The following FRRS1L variants were observed in gnomAD, a reference collection of about 807,000 sequenced individuals.
FRRS1L encodes ferric chelate reductase 1 like.
In FRRS1L, 22 loss-of-function variants were observed where a neutral mutation model predicts 28.6. The observed-to-expected ratio is 0.77, with a 90% CI of 0.55 to 1.10. The LOEUF is 1.10. FRRS1L is among the 50% of genes least tolerant of loss of function. FRRS1L has a pLI of 0.00. For synonymous variants in FRRS1L, 158 were observed against 151.4 expected (o/e 1.04, Z -0.32); for missense variants, 380 against 386.9 (o/e 0.98, Z 0.15).
intron 1 of FRRS1L, 29 bp downstream of exon 1, chr9:109,166,872 C>G: frequency 1.7e-6 from 2 of 1,182,266 alleles, no homozygotes; most frequent in Non-Finnish European, 2.1e-6. Flanking sequence ...TCTCCCCTCC[C>G]GCAACCCCTC....
Position 109,141,468 on chromosome 9 carries a change from CCTT to C in FRRS1L, c.581_583del (p.Glu194del), listed in dbSNP as rs763795641. On this transcript the variant is annotated inframe_deletion, in exon 4 of 5. Coordinates refer to ENST00000561981, the MANE Select transcript of FRRS1L (RefSeq NM_014334.4). Reference sequence around the variant, plus strand: ...GGTGACGCGATTGTTCTCAAAAACTCCTTCTTCATCTCTGGCAGGGTTTCTCTG... The same window carrying C: ...GGTGACGCGATTGTTCTCAAAAACTCCTTCATCTCTGGCAGGGTTTCTCTG... The C allele has an allele frequency of 8.1e-6, 13 of 1,613,958 alleles. No homozygotes were observed. The highest frequency in any genetic ancestry group is 1.1e-5 in the South Asian group (1 of 91,088).
Position 109,137,638 on chromosome 9 carries a change from A to T in FRRS1L, c.710-11T>A. On this transcript the variant is annotated splice_polypyrimidine_tract_variant and intron_variant, in intron 4 of 4. Coordinates refer to ENST00000561981, the MANE Select transcript of FRRS1L (RefSeq NM_014334.4). ...GTCGAGTGATAGAGCCTTTAAGAAAAAAAGAGAAGAGCAGGGGCAATTGAA... is the reference window on the plus strand; with the variant it reads ...GTCGAGTGATAGAGCCTTTAAGAAATAAAGAGAAGAGCAGGGGCAATTGAA... The T allele has an allele frequency of 6.5e-7, 1 of 1,528,230 alleles. No homozygotes were observed. Among genetic ancestry groups the T allele is most frequent in the Non-Finnish European group, 8.8e-7 (1 of 1,131,138 alleles). The allele number at this position is 1,528,230 out of a possible 1,614,324, so 94.7% of individuals were successfully genotyped here.
chr9:109,164,554 A>G (rs924886597), intron 1 of FRRS1L, among the ~76,000 whole-genome samples: 2 of 151,950 alleles, frequency 1.3e-5, no homozygotes, highest in Non-Finnish European at 1.5e-5. Context: ...GTGCACCACC[A>G]CGCCCGGCTA....
In FRRS1L at chr9:109,131,116, C is replaced by T. The variant is rs1298174940; in HGVS notation, c.*6339G>A. On this transcript the variant is annotated 3_prime_UTR_variant, in exon 5 of 5. Transcript: ENST00000561981. ...TTATTAAATATAAAAACAAAGAAAT[C>T]TACCTTGAAACTAAATAACTGGATA... is the stretch of plus-strand genomic sequence containing the variant. 6.6e-6 allele frequency: 1 copy of T among 152,148 alleles called. No individual in the cohort carries two copies. Among genetic ancestry groups the T allele is most frequent in the East Asian group, 1.9e-4 (1 of 5,198 alleles). The allele number at this position is 152,148 out of a possible 1,614,324, so 9.4% of individuals were successfully genotyped here.
intron 1 of FRRS1L, among the ~76,000 whole-genome samples, chr9:109,163,372 G>A (rs1221121192): frequency 6.6e-6 from 1 of 152,190 alleles, no homozygotes; most frequent in Non-Finnish European, 1.5e-5. Context: ...TGTGGGAGAA[G>A]GAGAAAATCA....
chr9:109,158,930 C>T (rs1379564428), intron 1 of FRRS1L, among the ~76,000 whole-genome samples: 4 of 152,322 alleles, frequency 2.6e-5, no homozygotes, highest in Non-Finnish European at 4.4e-5. Context: ...CACATCCTTA[C>T]CAACAATGTA....
In FRRS1L at chr9:109,136,135, G is replaced by A. The variant is rs1459282851; in HGVS notation, c.*1320C>T. On this transcript the variant is annotated 3_prime_UTR_variant, in exon 5 of 5. Transcript: ENST00000561981. ...TAATCCCATCTACTCAGGAGGCTGA[G>A]GCAGGAGAATCACTTGAACCTGGGA... is the stretch of plus-strand genomic sequence containing the variant. 1 of 151,874 alleles carries A rather than the reference G, an allele frequency of 6.6e-6. No individual in the cohort carries two copies. The highest frequency in any genetic ancestry group is 1.5e-5 in the Non-Finnish European group (1 of 68,048). The allele number at this position is 151,874 out of a possible 1,614,324, so 9.4% of individuals were successfully genotyped here.
Position 109,149,685 on chromosome 9 carries a change from A to G in FRRS1L, c.274T>C (p.Phe92Leu), listed in dbSNP as rs1447291970. 1 of 1,613,716 alleles carries G rather than the reference A, an allele frequency of 6.2e-7. No individual in the cohort carries two copies. Among genetic ancestry groups the G allele is most frequent in the Admixed American group, 1.7e-5 (1 of 60,004 alleles). The part of the protein sequence containing the change: ...PFPTAPPVDP[F>L]AKIKVDDCGK... ...CAGTCGTCCACTTTGATTTTGGCAA[A>G]TGGATCCACAGGAGGAGCAGTAGGG... The change falls in exon 2 of 5, where the codon TTT (phenylalanine) becomes CTT (leucine). Residue 92 changes from phenylalanine (F) to leucine (L), a missense_variant. Coordinates refer to ENST00000561981, the MANE Select transcript of FRRS1L (RefSeq NM_014334.4).
At position 109,137,101 on chromosome 9, in the gene FRRS1L, G is replaced by T; in HGVS notation, c.*354C>A. On this transcript the variant is annotated 3_prime_UTR_variant, in exon 5 of 5. Coordinates refer to ENST00000561981, the MANE Select transcript of FRRS1L (RefSeq NM_014334.4). ...TTTCTATTTGTCATTTCTAGCCAAA[G>T]TTATATGGTATGTGGATCATAAAAA... is the stretch of plus-strand genomic sequence containing the variant. 6.4e-6 allele frequency: 1 copy of T among 157,334 alleles called. No individual in the cohort carries two copies. Among genetic ancestry groups the T allele is most frequent in the Non-Finnish European group, 1.4e-5 (1 of 71,466 alleles). The allele number at this position is 157,334 out of a possible 1,614,324, so 9.7% of individuals were successfully genotyped here. A position where few individuals can be genotyped will look rare whatever the true frequency, so the allele number is the denominator to read the frequency against.
intron 1 of FRRS1L, among the ~76,000 whole-genome samples, chr9:109,160,446 T>C (rs570571230): frequency 8.0e-5 from 3 of 37,332 alleles, no homozygotes; most frequent in East Asian, 1.7e-3. Flanking sequence ...GGTCTCACTC[T>C]GTCACCCAGA....
chr9:109,143,762 G>C lies in FRRS1L; in HGVS notation c.463-2173C>G, dbSNP rs370521961. On this transcript the variant is annotated intron_variant, in intron 3 of 4. Coordinates refer to ENST00000561981, the MANE Select transcript of FRRS1L (RefSeq NM_014334.4). ...ACTCCTGACCTCAGGGGATCCGCCT[G>C]CCTCGGCCTCCCAAAGTTCTGGGAT... Among the ~76,000 whole-genome samples the C allele has an allele frequency of 1.1e-4, 16 of 152,076 alleles. No individual in the cohort carries two copies. The East Asian group carries it at 1.2e-3, about 11-fold the overall frequency.
intron 1 of FRRS1L, among the ~76,000 whole-genome samples, chr9:109,165,410 G>A (rs990660753): frequency 2.6e-5 from 4 of 152,184 alleles, no homozygotes; most frequent in Non-Finnish European, 4.4e-5. Flanking sequence ...AAAGCCTCAG[G>A]GGGATGGCAG....
intron 3 of FRRS1L, among the ~76,000 whole-genome samples, chr9:109,146,751 A>T (rs1831267264): frequency 6.6e-6 from 1 of 152,184 alleles, no homozygotes; most frequent in African/African-American, 2.4e-5. Context: ...TCAATCCATG[A>T]ACATGTGAGC....
intron 4 of FRRS1L, chr9:109,141,132 T>C (rs1831179937): frequency 3.4e-6 from 2 of 596,818 alleles, no homozygotes. Flanking sequence ...TAGCTTTGCA[T>C]GTGTGTAACT....
chr9:109,141,718 T>TA (rs1388636666), intron 3 of FRRS1L, 129 bp from the exon 4 acceptor site: 8 of 991,298 alleles, frequency 8.1e-6, no homozygotes, highest in African/African-American at 1.6e-5. Context: ...TAAGTGCCAT[T>TA]AAAAAGTCTC....
intron 1 of FRRS1L, among the ~76,000 whole-genome samples, chr9:109,153,944 G>T (rs1007551347): frequency 6.6e-6 from 1 of 152,088 alleles, no homozygotes; most frequent in Non-Finnish European, 1.5e-5. Context: ...TTTCTCCTTT[G>T]CCAGGTGCTT....
At chr9:109,143,181 G>A (rs1831210415) in intron 3 of FRRS1L, among the ~76,000 whole-genome samples, 1 of 151,888 alleles carries the variant, frequency 6.6e-6, no homozygotes, top group South Asian at 2.1e-4. Flanking sequence ...TAGGTGTGGT[G>A]GCAGGTGCCT....
chr9:109,152,152 T>C lies in FRRS1L; in HGVS notation c.239-2432A>G, dbSNP rs181203907. 385 of 138,174 alleles carry C rather than the reference T, an allele frequency of 2.8e-3. 1 individual carries two copies. The highest frequency in any genetic ancestry group is 4.7e-3 in the Non-Finnish European group (291 of 61,464). The allele number at this position is 138,174 out of a possible 1,614,324, so 8.6% of individuals were successfully genotyped here. ...AGTTACTATTACTACTGGATTATTA[T>C]CACTATTTTTTTTTTGAGACAGAGC... is the stretch of plus-strand genomic sequence containing the variant. On this transcript the variant is annotated intron_variant, in intron 1 of 4. Transcript: ENST00000561981.
At chr9:109,166,699 A>G (rs1389466861) in intron 1 of FRRS1L, among the ~76,000 whole-genome samples, 2 of 151,748 alleles carry the variant, frequency 1.3e-5, no homozygotes, top group East Asian at 3.9e-4. Context: ...AGGCATTGAC[A>G]GCTCTTTGGG....
Sources: allele counts gnomAD v4.1 joint callset (sites outside exome capture counted in the v4.1 genomes callset), GRCh38; gene constraint gnomAD v4.1.1; transcripts MANE v1.5; gene names NCBI Gene and HGNC (gene_info 2026-07-23, HGNC 2026-07-21).